Variants in UBE3C observed in about 807,000 individuals in gnomAD.
UBE3C encodes the protein ubiquitin protein ligase E3C, also known as ubiquitin-protein ligase E3C.
UBE3C carries 42 observed loss-of-function variants against 129.4 expected under a neutral mutation model. That is an observed-to-expected ratio of 0.32 (90% confidence interval 0.25 to 0.42). UBE3C has a LOEUF of 0.42. UBE3C is among the 10% of genes least tolerant of loss of function. The pLI, the probability that UBE3C is intolerant of heterozygous loss-of-function variation, is 1.00. For missense variants in UBE3C, 1,049 were observed against 1,319.1 expected (o/e 0.80, Z 3.17); for synonymous variants, 510 against 492.4 (o/e 1.04, Z -0.47).
chr7:157,209,253 A>G (rs1163759793), intron 13 of UBE3C, among the ~76,000 whole-genome samples: 1 of 152,176 alleles, frequency 6.6e-6, no homozygotes, highest in Admixed American at 6.5e-5. Flanking sequence ...TTTACAACAC[A>G]TTTCTCTTAG....
At chr7:157,155,712 AAAG>A (rs1164865968) in intron 1 of UBE3C, among the ~76,000 whole-genome samples, 2 of 152,240 alleles carry the variant, frequency 1.3e-5, no homozygotes, top group Non-Finnish European at 2.9e-5. Flanking sequence ...GACAAAACGA[AAAG>A]AAAATCACCT....
At chr7:157,214,514 T>C (rs897657138) in intron 13 of UBE3C, among the ~76,000 whole-genome samples, 7 of 152,228 alleles carry the variant, frequency 4.6e-5, no homozygotes, top group African/African-American at 1.7e-4. Flanking sequence ...TATGTAAATA[T>C]GTCAGAAAGG....
At chr7:157,236,824 C>T (rs545552003) in intron 18 of UBE3C, among the ~76,000 whole-genome samples, 54 of 151,968 alleles carry the variant, frequency 3.6e-4, no homozygotes, top group African/African-American at 1.1e-3. Flanking sequence ...CTCCACCTCC[C>T]GGGTTCAAGC....
intron 10 of UBE3C, among the ~76,000 whole-genome samples, chr7:157,188,675 C>T (rs761808023): frequency 6.6e-6 from 1 of 152,152 alleles, no homozygotes; most frequent in Non-Finnish European, 1.5e-5. Flanking sequence ...TTTATGAGTA[C>T]AGCACCTATT....
intron 4 of UBE3C, among the ~76,000 whole-genome samples, chr7:157,171,660 T>TTATATATTATATA (rs1808369711): frequency 2.9e-5 from 2 of 67,890 alleles, no homozygotes; most frequent in Non-Finnish European, 5.6e-5. Context: ...TTTAAATATT[T>TTATATATTATATA]TATATATATA....
At chr7:157,168,806 G>T (rs1000448910) in intron 2 of UBE3C, among the ~76,000 whole-genome samples, 3 of 152,204 alleles carry the variant, frequency 2.0e-5, no homozygotes, top group Non-Finnish European at 4.4e-5. Flanking sequence ...GGAAACGGGG[G>T]GTGACTGCGA....
At chr7:157,220,610 C>G (rs558262909) in intron 14 of UBE3C, 79 bp from the exon 15 acceptor site, 11 of 1,540,276 alleles carry the variant, frequency 7.1e-6, no homozygotes, top group Non-Finnish European at 9.8e-6. Flanking sequence ...ATGTCCAGCA[C>G]CAATTCTGTT....
chr7:157,224,798 T>TCGCTCG (rs1320582653), intron 16 of UBE3C, among the ~76,000 whole-genome samples: 2 of 148,242 alleles, frequency 1.3e-5, no homozygotes, highest in African/African-American at 5.2e-5. Flanking sequence ...ACACACTCTC[T>TCGCTCG]CTCTCTCTCT....
intron 22 of UBE3C, among the ~76,000 whole-genome samples, chr7:157,264,440 T>A: frequency 8.1e-6 from 1 of 124,188 alleles, no homozygotes. Flanking sequence ...ACTACAGGTG[T>A]GAGCCAACAT....
intron 1 of UBE3C, 143 bp downstream of exon 1, chr7:157,139,481 G>A (rs1312900104): frequency 1.3e-6 from 1 of 796,550 alleles, no homozygotes. Context: ...GGGACTCGGG[G>A]CTTCCTCGCC....
intron 1 of UBE3C, among the ~76,000 whole-genome samples, chr7:157,160,132 T>C (rs990061098): frequency 6.6e-6 from 1 of 151,798 alleles, no homozygotes; most frequent in Non-Finnish European, 1.5e-5. Flanking sequence ...TGGAGTGCAG[T>C]GGCATGATTT....
chr7:157,209,492 T>TA, intron 13 of UBE3C, among the ~76,000 whole-genome samples: 1 of 152,236 alleles, frequency 6.6e-6, no homozygotes, highest in Non-Finnish European at 1.5e-5. Context: ...TTTTCTATGT[T>TA]AAAAAATAAG....
chr7:157,175,137 C>CTTTTTTTT lies in UBE3C; in HGVS notation c.458+117_458+124dup, dbSNP rs56852731. ...TTTCAGAGACAGTGGCTTTTCCATA[C>CTTTTTTTT]TTTTTTTTTTTTTTTTTTTTTGAGG... On this transcript the variant is annotated intron_variant, in intron 5 of 22. Coordinates refer to ENST00000348165, the MANE Select transcript of UBE3C (RefSeq NM_014671.3). The CTTTTTTTT allele has an allele frequency of 6.1e-3, 1,532 of 251,636 alleles. 33 individuals carry two copies. Among genetic ancestry groups the CTTTTTTTT allele is most frequent in the East Asian group, 0.02 (231 of 11,794 alleles). The allele number at this position is 251,636 out of a possible 1,614,324, so 15.6% of individuals were successfully genotyped here. A position where few individuals can be genotyped will look rare whatever the true frequency, so the allele number is the denominator to read the frequency against.
At chr7:157,194,230 T>C (rs1025927775) in intron 10 of UBE3C, among the ~76,000 whole-genome samples, 2 of 152,168 alleles carry the variant, frequency 1.3e-5, no homozygotes, top group African/African-American at 4.8e-5. Flanking sequence ...TGAAAAGGAG[T>C]TGGGCTTGTC....
rs1277412414 is a variant in UBE3C, at chr7:157,182,339, C to T, written c.991+11C>T. ...GCGAAAATTATTTGGGTATGAAATA[C>T]AAGATCTTTTTTACCTGAACACACA... On this transcript the variant is annotated intron_variant, in intron 8 of 22. Coordinates refer to ENST00000348165, the MANE Select transcript of UBE3C (RefSeq NM_014671.3). The T allele has an allele frequency of 6.2e-7, 1 of 1,612,134 alleles. No individual in the cohort carries two copies. Among genetic ancestry groups the T allele is most frequent in the Non-Finnish European group, 8.5e-7 (1 of 1,179,122 alleles).
rs376777362 is a variant in UBE3C at position 157,266,297 on chromosome 7, G to C, written c.3082-1288G>C. Among the ~76,000 whole-genome samples, 5 of 152,244 alleles carry C rather than the reference G, an allele frequency of 3.3e-5. No homozygotes were observed. In the East Asian group the frequency reaches 7.7e-4, roughly 23 times the overall value. ...CCACTGCACTCCAGCCTGGGTGACAGAGCAAGACTCCGTCTCAAAAAAATA... is the reference window on the plus strand; with the variant it reads ...CCACTGCACTCCAGCCTGGGTGACACAGCAAGACTCCGTCTCAAAAAAATA... On this transcript the variant is annotated intron_variant, in intron 22 of 22. Coordinates refer to ENST00000348165, the MANE Select transcript of UBE3C (RefSeq NM_014671.3).
chr7:157,140,339 T>C lies in UBE3C; in HGVS notation c.66+1001T>C, dbSNP rs189253374. On this transcript the variant is annotated intron_variant, in intron 1 of 22. Transcript: ENST00000348165. ...ATTAAGATTGTGCTGTGGGGCTGTG[T>C]TTGGTGGTTTCTGAGGTTAGAAGGG... Among the ~76,000 whole-genome samples, 17 of 152,150 alleles carry C rather than the reference T, an allele frequency of 1.1e-4. No individual in the cohort carries two copies. In the East Asian group the frequency reaches 2.5e-3, roughly 23 times the overall value.
intron 1 of UBE3C, among the ~76,000 whole-genome samples, chr7:157,163,005 GA>G (rs893873705): frequency 5.3e-5 from 8 of 151,648 alleles, no homozygotes; most frequent in African/African-American, 1.2e-4. Context: ...TTTTATTTAT[GA>G]AAAAAAATTT....
intron 1 of UBE3C, among the ~76,000 whole-genome samples, chr7:157,141,278 C>A (rs1807440659): frequency 6.6e-6 from 1 of 152,154 alleles, no homozygotes; most frequent in Admixed American, 6.5e-5. Flanking sequence ...TGGACACTCT[C>A]CTGTAGATGG....
Sources: allele counts gnomAD v4.1 joint callset (sites outside exome capture counted in the v4.1 genomes callset), GRCh38; gene constraint gnomAD v4.1.1; transcripts MANE v1.5; gene names NCBI Gene and HGNC (gene_info 2026-07-23, HGNC 2026-07-21).